The following ZAP70 variants were observed in gnomAD, a reference collection of about 807,000 sequenced individuals.
ZAP70 encodes the protein zeta chain of T cell receptor associated protein kinase 70, also known as tyrosine-protein kinase ZAP-70.
ZAP70 carries 27 observed loss-of-function variants against 65.8 expected under a neutral mutation model. The ratio of observed to expected loss-of-function variants is 0.41; its 90% CI spans 0.30 to 0.57. The LOEUF (loss-of-function observed/expected upper bound fraction) is 0.57, where lower values mean the gene tolerates loss of function less well. Ranked by LOEUF, ZAP70 falls within the 20% of genes least tolerant of loss-of-function variation. The pLI is 0.28. For missense variants in ZAP70, 696 were observed against 870.5 expected (o/e 0.80, Z 2.52); for synonymous variants, 363 against 360.8 (o/e 1.01, Z -0.07).
intron 4 of ZAP70, among the ~76,000 whole-genome samples, chr2:97,728,502 T>C (rs1001242229): frequency 6.6e-6 from 1 of 152,210 alleles, no homozygotes; most frequent in Non-Finnish European, 1.5e-5. Flanking sequence ...GTTCCTGTAG[T>C]CTATAACTGC....
chr2:97,748,409 T>C, the ZAP70 span, among the ~76,000 whole-genome samples: 4 of 152,172 alleles, frequency 2.6e-5, no homozygotes, highest in East Asian at 3.8e-4. Flanking sequence ...CTTCCTTCTC[T>C]CTGTAATTTC....
chr2:97,719,570 C>A (rs866152491), intron 2 of ZAP70, among the ~76,000 whole-genome samples: 1 of 151,504 alleles, frequency 6.6e-6, no homozygotes, highest in Non-Finnish European at 1.5e-5. Flanking sequence ...GGGGCGCAGA[C>A]CAGGTCTGGC....
downstream of ZAP70, among the ~76,000 whole-genome samples, chr2:97,743,840 G>A (rs1011923693): frequency 6.6e-6 from 1 of 152,182 alleles, no homozygotes; most frequent in Non-Finnish European, 1.5e-5. Context: ...TATCTTGTAA[G>A]GGCTGTATAT....
chr2:97,728,759 G>A (rs906049774), intron 4 of ZAP70, among the ~76,000 whole-genome samples: 2 of 152,154 alleles, frequency 1.3e-5, no homozygotes, highest in Non-Finnish European at 2.9e-5. Context: ...ATTGTCAAGT[G>A]TTTCTTTTTT....
chr2:97,740,849 G>T (rs1678110872), downstream of ZAP70, among the ~76,000 whole-genome samples: 1 of 152,210 alleles, frequency 6.6e-6, no homozygotes, highest in African/African-American at 2.4e-5. Context: ...CCCAACACCA[G>T]GTCGTGGGGG....
intron 4 of ZAP70, chr2:97,732,645 G>A (rs1573277676): frequency 4.9e-6 from 3 of 613,780 alleles, no homozygotes; most frequent in Middle Eastern, 4.5e-4. Flanking sequence ...GTTGGCTCTT[G>A]GAGAACAGTG....
In ZAP70 at chr2:97,735,554, G is replaced by A. The variant is rs576756187; in HGVS notation, c.1289+98G>A. On this transcript the variant is annotated intron_variant, in intron 10 of 13. Coordinates refer to ENST00000264972, the MANE Select transcript of ZAP70 (RefSeq NM_001079.4). ...CGCGTGCATGCGTGTGTGGGAAGCC[G>A]GGGCACTTCCACACCATCGTGGACA... 91 of 1,413,388 alleles carry A rather than the reference G, an allele frequency of 6.4e-5. No homozygotes were observed. In the Middle Eastern group the frequency reaches 1.5e-3, roughly 23 times the overall value. 87.6% of individuals were successfully genotyped at this position (1,413,388 alleles called of 1,614,324 possible). A position where few individuals can be genotyped will look rare whatever the true frequency, so the allele number is the denominator to read the frequency against.
chr2:97,745,765 G>A, the ZAP70 span, among the ~76,000 whole-genome samples: 1 of 152,162 alleles, frequency 6.6e-6, no homozygotes, highest in Non-Finnish European at 1.5e-5. Flanking sequence ...TCCCTACAAG[G>A]CTAAACATGG....
intron 3 of ZAP70, chr2:97,724,854 G>C: frequency 6.6e-7 from 1 of 1,525,452 alleles, no homozygotes; most frequent in Non-Finnish European, 8.8e-7. Context: ...ACCTGAATTA[G>C]GTCTTCAAGC....
chr2:97,744,696 G>T (rs1422659194), downstream of ZAP70, among the ~76,000 whole-genome samples: 1 of 152,192 alleles, frequency 6.6e-6, no homozygotes, highest in Non-Finnish European at 1.5e-5. Flanking sequence ...AACAGGGAAG[G>T]ATCCAGGGAA....
At chr2:97,751,416 A>G in the ZAP70 span, among the ~76,000 whole-genome samples, 5 of 152,350 alleles carry the variant, frequency 3.3e-5, no homozygotes, top group African/African-American at 1.2e-4. Flanking sequence ...TTATGAATTC[A>G]TAAGAAGCAA....
At chr2:97,739,295 G>A (rs1156876817) in intron 13 of ZAP70, 80 bp from the exon 14 acceptor site, 3 of 1,589,340 alleles carry the variant, frequency 1.9e-6, no homozygotes, top group Non-Finnish European at 2.6e-6. Context: ...CCTCAGCCAA[G>A]CACAGTGCAT....
At position 97,737,489 on chromosome 2, in the gene ZAP70, A is replaced by G; in HGVS notation, c.1306A>G (p.Ser436Gly). The stretch of plus-strand genomic sequence containing the variant: ...CCACCCCAGGGAGGAGATCCCTGTG[A>G]GCAATGTGGCCGAGCTGCTGCACCA... ...LVGKREEIPV[S>G]NVAELLHQVS... is the part of the protein sequence containing the mutation. Residue 436 changes from serine to glycine, a missense_variant, in exon 11 of 14, where the codon AGC becomes GGC. By Grantham distance (56) the Ser-to-Gly change is moderately conservative. This residue lies in a region of ZAP70 where 551 missense variants were observed against 630.0 expected (regional missense o/e 0.87). Coordinates refer to ENST00000264972, the MANE Select transcript of ZAP70 (RefSeq NM_001079.4). The surrounding 1 kb of genome is among the most constrained non-coding windows in gnomAD (Gnocchi z 5.0). 1 of 1,614,012 alleles carries G rather than the reference A, an allele frequency of 6.2e-7. No individual in the cohort carries two copies. Among genetic ancestry groups the G allele is most frequent in the Non-Finnish European group, 8.5e-7 (1 of 1,179,950 alleles).
chr2:97,733,531 C>CAAAGGCCTT lies in ZAP70; in HGVS notation c.838-13_838-12insAAAGGCCTT. On this transcript the variant is annotated splice_polypyrimidine_tract_variant and intron_variant, in intron 7 of 13. Transcript: ENST00000264972. Reference sequence around the variant, plus strand: ...GTCCCCAGCTCAGGCCTTGCTGACCCTGTGGCCTTTAGCCTCAGAGACGAA... The same window carrying CAAAGGCCTT: ...GTCCCCAGCTCAGGCCTTGCTGACCCAAAGGCCTTTGTGGCCTTTAGCCTCAGAGACGAA... The CAAAGGCCTT allele has an allele frequency of 1.2e-6, 2 of 1,613,670 alleles. No individual in the cohort carries two copies. The highest frequency in any genetic ancestry group is 8.5e-7 in the Non-Finnish European group (1 of 1,179,988).
At position 97,724,173 on chromosome 2, in the gene ZAP70, A is replaced by G. The variant is rs766487707; in HGVS notation, c.137A>G (p.Tyr46Cys). Residue 46 changes from tyrosine (Y) to cysteine (C), a missense_variant, in exon 3 of 14, where the codon TAT (tyrosine) becomes TGT (cysteine). Tyr to Cys is a radical substitution (Grantham distance 194). Coordinates refer to ENST00000264972, the MANE Select transcript of ZAP70 (RefSeq NM_001079.4). The stretch of plus-strand genomic sequence containing the variant: ...CAGTGCCTGCGCTCGCTGGGCGGCT[A>G]TGTGCTGTCGCTCGTGCACGATGTG... ...LRQCLRSLGGYVLSLVHDVRF... is the reference protein window; with the variant it reads ...LRQCLRSLGGCVLSLVHDVRF... 6.3e-7 allele frequency: 1 copy of G among 1,591,338 alleles called. No individual in the cohort carries two copies.
At chr2:97,755,036 C>G in the ZAP70 span, among the ~76,000 whole-genome samples, 6 of 152,298 alleles carry the variant, frequency 3.9e-5, no homozygotes, top group African/African-American at 1.4e-4. Context: ...AAATCACTCC[C>G]ACCTTCATGG....
intron 3 of ZAP70, 176 bp from the exon 4 acceptor site, chr2:97,724,916 T>A: frequency 6.5e-7 from 1 of 1,533,606 alleles, no homozygotes; most frequent in East Asian, 2.5e-5. Context: ...CCTCCCTAGC[T>A]GGATTGGGGA....
Position 97,737,678 on chromosome 2 carries a change from C to T in ZAP70, c.1482+13C>T. The T allele has an allele frequency of 6.2e-7, 1 of 1,614,066 alleles. No homozygotes were observed. The highest frequency in any genetic ancestry group is 8.5e-7 in the Non-Finnish European group (1 of 1,180,002). ...CAGCTACTACACTGTAAGCCTCTGC[C>T]CCTGTGATGCCCGACTGGATGGGCT... On this transcript the variant is annotated intron_variant, in intron 11 of 13. Transcript: ENST00000264972. The surrounding 1 kb of genome is among the most constrained non-coding windows in gnomAD (Gnocchi z 5.0).
chr2:97,721,847 C>T (rs1014278146), intron 2 of ZAP70, among the ~76,000 whole-genome samples: 9 of 151,340 alleles, frequency 5.9e-5, no homozygotes, highest in Admixed American at 3.3e-4. Flanking sequence ...GTGGCAGTGG[C>T]GCGATCTCAG....
Sources: gnomAD v4.1 joint callset for allele counts (sites outside exome capture counted in the v4.1 genomes callset) on GRCh38, gnomAD v4.1.1 for gene constraint, gnomAD v4.1.1 regional missense constraint, Gnocchi (gnomAD v3.1) non-coding constraint, MANE v1.5 for transcripts, NCBI Gene and HGNC (gene_info 2026-07-23, HGNC 2026-07-21) for gene names.